The following SORBS2 variants were observed in gnomAD, a reference collection of about 807,000 sequenced individuals.
SORBS2 encodes sorbin and SH3 domain containing 2, also known as sorbin and SH3 domain-containing protein 2.
A neutral mutation model predicts 97.7 loss-of-function variants in SORBS2; 46 were observed. The observed-to-expected ratio is 0.47, with a 90% CI of 0.37 to 0.60. The LOEUF is 0.60. Ranked by LOEUF, SORBS2 falls within the 20% of genes least tolerant of loss-of-function variation. The probability of loss-of-function intolerance (pLI) is 0.00; values close to 1 mark genes in which losing one functional copy is unlikely to be tolerated. For missense variants in SORBS2, 1,316 were observed against 1,282.3 expected (o/e 1.03, Z -0.40); for synonymous variants, 476 against 473.4 (o/e 1.01, Z -0.07).
chr4:185,643,280 G>C (rs1452627143), intron 4 of SORBS2, among the ~76,000 whole-genome samples: 1 of 152,148 alleles, frequency 6.6e-6, no homozygotes, highest in Admixed American at 6.5e-5. Context: ...TTTTCCTGGT[G>C]GGGAGGTGCA....
At chr4:185,778,507 C>A (rs1230829396) in intron 1 of SORBS2, among the ~76,000 whole-genome samples, 1 of 152,106 alleles carries the variant, frequency 6.6e-6, no homozygotes, top group Admixed American at 6.5e-5. Flanking sequence ...TTCACAACAT[C>A]CCCAGGCTGC....
chr4:185,613,695 G>GCAC (rs2096581514), intron 11 of SORBS2, among the ~76,000 whole-genome samples: 1 of 148,230 alleles, frequency 6.7e-6, no homozygotes, highest in Non-Finnish European at 1.5e-5. Flanking sequence ...TCTGAAAATT[G>GCAC]CACCGATTTT....
chr4:185,675,630 C>A (rs145579714), intron 4 of SORBS2, among the ~76,000 whole-genome samples: 1 of 152,144 alleles, frequency 6.6e-6, no homozygotes, highest in Non-Finnish European at 1.5e-5. Context: ...AGTAGTAATA[C>A]CTACTCCATG....
intron 1 of SORBS2, among the ~76,000 whole-genome samples, chr4:185,941,081 G>A (rs994331761): frequency 8.5e-5 from 13 of 152,222 alleles, no homozygotes; most frequent in Admixed American, 2.0e-4. Context: ...CATGCCATTC[G>A]TCTACTTCGT....
At chr4:185,750,134 C>T (rs1336098814) in intron 2 of SORBS2, among the ~76,000 whole-genome samples, 2 of 152,234 alleles carry the variant, frequency 1.3e-5, no homozygotes, top group Non-Finnish European at 2.9e-5. Context: ...CAGGTTAGCA[C>T]CCCTGCCCTG....
intron 4 of SORBS2, among the ~76,000 whole-genome samples, chr4:185,665,468 C>T (rs937555639): frequency 7.2e-5 from 11 of 152,162 alleles, no homozygotes; most frequent in African/African-American, 2.7e-4. Flanking sequence ...CACTGTAGAA[C>T]TTACCAGCTA....
chr4:185,662,187 T>G (rs1255656318), exon 5 of SORBS2: 3 of 1,614,036 alleles, frequency 1.9e-6, no homozygotes, highest in South Asian at 1.1e-5. Context: ...CGGCCTCTGA[T>G]AGTAACTCAT....
chr4:185,666,297 T>C, intron 4 of SORBS2: 1 of 625,146 alleles, frequency 1.6e-6, no homozygotes, highest in Non-Finnish European at 2.5e-6. Context: ...AAAGCATCGG[T>C]TTTATTTGCA....
chr4:185,754,584 C>G (rs1328808414), intron 2 of SORBS2, among the ~76,000 whole-genome samples: 4 of 152,202 alleles, frequency 2.6e-5, no homozygotes, highest in Admixed American at 2.0e-4. Context: ...AGTCTGCTAG[C>G]TCTACAGTTT....
rs1291988003 is a variant in SORBS2 at position 185,935,093 on chromosome 4, GCT to G, written c.-338+21101_-338+21102del. On this transcript the variant is annotated intron_variant, in intron 1 of 20. Coordinates refer to the SORBS2 transcript ENST00000284776. ...TCAGCCAACAATCAAGGCTAATGTAGCTCTTTCCCCAGTTCTTAAGAAAAATC... is the reference window on the plus strand; with the variant it reads ...TCAGCCAACAATCAAGGCTAATGTAGCTTTCCCCAGTTCTTAAGAAAAATC... 2.0e-5 allele frequency among the ~76,000 whole-genome samples: 3 copies of G among 152,224 alleles called. No homozygotes were observed. In the East Asian group the frequency reaches 5.8e-4, roughly 29 times the overall value.
chr4:185,818,055 G>A lies in SORBS2; in HGVS notation c.-337-42689C>T, dbSNP rs188783909. Among the ~76,000 whole-genome samples the A allele has an allele frequency of 3.1e-3, 470 of 152,318 alleles. 15 individuals carry two copies. The highest frequency in any genetic ancestry group is 0.027 in the Admixed American group (417 of 15,300). ...GGAAATAGTAGATGTTCAGTTAAAG[G>A]CCTGACAGTGACAGCACGTGCAGGT... On this transcript the variant is annotated intron_variant, in intron 1 of 20. Transcript: ENST00000284776.
chr4:185,906,326 C>A (rs999952286), intron 1 of SORBS2, among the ~76,000 whole-genome samples: 4 of 152,172 alleles, frequency 2.6e-5, no homozygotes, highest in African/African-American at 9.7e-5. Flanking sequence ...AGCCACCACG[C>A]CTGGCCTGTT....
chr4:185,768,905 A>G (rs2098953260), intron 2 of SORBS2, among the ~76,000 whole-genome samples: 1 of 152,190 alleles, frequency 6.6e-6, no homozygotes, highest in African/African-American at 2.4e-5. Flanking sequence ...ATTTTCTTCA[A>G]GTGAAAAAAG....
chr4:185,860,187 T>C (rs1357871471), intron 1 of SORBS2, among the ~76,000 whole-genome samples: 2 of 152,182 alleles, frequency 1.3e-5, no homozygotes, highest in Non-Finnish European at 2.9e-5. Context: ...GGCTCATTTA[T>C]TCGGGAAGCA....
At chr4:185,737,008 C>T (rs562264517) in intron 2 of SORBS2, among the ~76,000 whole-genome samples, 9 of 152,256 alleles carry the variant, frequency 5.9e-5, no homozygotes, top group Admixed American at 2.0e-4. Flanking sequence ...GTCTGAGTTC[C>T]GGGTTGCTCT....
intron 12 of SORBS2, among the ~76,000 whole-genome samples, chr4:185,605,049 T>C (rs951302923): frequency 6.6e-6 from 1 of 152,194 alleles, no homozygotes; most frequent in East Asian, 1.9e-4. Context: ...ACTGAAATAA[T>C]TGATGTAGAG....
chr4:185,806,468 T>A (rs866595537), intron 1 of SORBS2, among the ~76,000 whole-genome samples: 10,306 of 47,352 alleles, frequency 0.22, 849 homozygotes, highest in Admixed American at 0.39. Flanking sequence ...TTTTTTTTTT[T>A]TTTTTTTGAG....
At chr4:185,786,364 A>C (rs2099056354) in intron 1 of SORBS2, among the ~76,000 whole-genome samples, 1 of 152,212 alleles carries the variant, frequency 6.6e-6, no homozygotes, top group Non-Finnish European at 1.5e-5. Context: ...AGAAATAGAG[A>C]AGAATGGACT....
At chr4:185,840,849 T>G (rs1039052792) in intron 1 of SORBS2, among the ~76,000 whole-genome samples, 3 of 151,794 alleles carry the variant, frequency 2.0e-5, no homozygotes, top group African/African-American at 4.8e-5. Context: ...GGCAGACCCA[T>G]AGACTGACTC....
Sources: gnomAD v4.1 joint callset for allele counts (sites outside exome capture counted in the v4.1 genomes callset) on GRCh38, gnomAD v4.1.1 for gene constraint, MANE v1.5 for transcripts, NCBI Gene and HGNC (gene_info 2026-07-23, HGNC 2026-07-21) for gene names.